Variants in HNF4G observed in about 807,000 individuals in gnomAD.
HNF4G encodes hepatocyte nuclear factor 4 gamma.
HNF4G carries 21 observed loss-of-function variants against 50.9 expected under a neutral mutation model. The observed-to-expected ratio is 0.41, with a 90% confidence interval of 0.29 to 0.59. HNF4G has a LOEUF of 0.59. Among genes scored for constraint, HNF4G ranks in the 20% least tolerant of loss-of-function variants. HNF4G has a pLI of 0.26. For missense variants in HNF4G, 527 were observed against 559.4 expected (o/e 0.94, Z 0.58); for synonymous variants, 198 against 185.6 (o/e 1.07, Z -0.54).
chr8:75,437,521 A>G (rs1025216697), intron 1 of HNF4G, among the ~76,000 whole-genome samples: 2 of 152,142 alleles, frequency 1.3e-5, no homozygotes, highest in African/African-American at 2.4e-5. Flanking sequence ...ATCTAGGACA[A>G]AGGAAGAATG....
chr8:75,472,545 C>A (rs1812138972), intron 1 of HNF4G, among the ~76,000 whole-genome samples: 1 of 152,162 alleles, frequency 6.6e-6, no homozygotes, highest in Non-Finnish European at 1.5e-5. Context: ...CGTTCTTTGC[C>A]TTACCCTATT....
rs933642485 is a variant in HNF4G, at chr8:75,525,761, G to C, written c.-23-18050G>C. ...ATATAAGATTATATTTTGAAATGGA[G>C]CAGTCTCTGTAAGAAAAAGTTGAAC... On this transcript the variant is annotated intron_variant, in intron 2 of 10. Transcript: ENST00000354370. Among the ~76,000 whole-genome samples, 31 of 152,296 alleles carry C rather than the reference G, an allele frequency of 2.0e-4. 1 individual carries two copies. The highest frequency in any genetic ancestry group is 3.8e-4 in the Non-Finnish European group (26 of 68,028).
At chr8:75,443,468 A>C (rs1386769341) in intron 1 of HNF4G, among the ~76,000 whole-genome samples, 2 of 152,200 alleles carry the variant, frequency 1.3e-5, no homozygotes, top group Non-Finnish European at 2.9e-5. Context: ...GGTAGTCAAA[A>C]ATTATTTATT....
intron 1 of HNF4G, among the ~76,000 whole-genome samples, chr8:75,480,332 A>C (rs1812347279): frequency 1.3e-5 from 2 of 152,226 alleles, no homozygotes; most frequent in Non-Finnish European, 2.9e-5. Flanking sequence ...GAGTGCCCAA[A>C]GTGTCAAAGC....
intron 1 of HNF4G, among the ~76,000 whole-genome samples, chr8:75,412,451 G>T (rs1366824423): frequency 1.3e-5 from 2 of 152,118 alleles, no homozygotes; most frequent in Non-Finnish European, 2.9e-5. Flanking sequence ...TTGAATGTTT[G>T]ACACTTCCTA....
At position 75,409,557 on chromosome 8, in the gene HNF4G, C is replaced by T. The variant is rs561369980; in HGVS notation, c.-144+1395C>T. The stretch of plus-strand genomic sequence containing the variant: ...AGGCTAGAGTATAGTGGCACAATCT[C>T]GGCTCACTGCAACCTCTACCTCCCC... On this transcript the variant is annotated intron_variant, in intron 1 of 10. Transcript: ENST00000354370. 1.9e-3 allele frequency among the ~76,000 whole-genome samples: 262 copies of T among 136,710 alleles called. 3 individuals carry two copies. Among genetic ancestry groups the T allele is most frequent in the Non-Finnish European group, 1.6e-3 (108 of 65,624 alleles). The allele number at this position is 136,710 out of a possible 152,430, so 89.7% of individuals were successfully genotyped here.
At chr8:75,457,695 T>G (rs1330092785) in intron 1 of HNF4G, among the ~76,000 whole-genome samples, 1 of 152,094 alleles carries the variant, frequency 6.6e-6, no homozygotes, top group Non-Finnish European at 1.5e-5. Context: ...CTGAAAGGCA[T>G]GTGGAATATC....
chr8:75,415,022 T>C (rs1810599642), intron 1 of HNF4G, among the ~76,000 whole-genome samples: 1 of 152,252 alleles, frequency 6.6e-6, no homozygotes, highest in Admixed American at 6.5e-5. Context: ...CTTTACAGCC[T>C]AACCAACACT....
intron 2 of HNF4G, among the ~76,000 whole-genome samples, chr8:75,530,112 G>A (rs2941454): frequency 0.66 from 100,098 of 151,966 alleles, 34,853 homozygotes; most frequent in African/African-American, 0.9. Context: ...TGTCCCACTC[G>A]TCTCAAGGAT....
intron 1 of HNF4G, among the ~76,000 whole-genome samples, chr8:75,454,087 C>T (rs1811658139): frequency 6.7e-6 from 1 of 149,836 alleles, no homozygotes; most frequent in African/African-American, 2.5e-5. Context: ...CCCTCCCTCC[C>T]TCCCTCTCTT....
At chr8:75,521,355 A>G (rs1806036759) in intron 2 of HNF4G, among the ~76,000 whole-genome samples, 1 of 152,230 alleles carries the variant, frequency 6.6e-6, no homozygotes, top group African/African-American at 2.4e-5. Flanking sequence ...GTGCGACACA[A>G]GCAAATTATT....
intron 2 of HNF4G, among the ~76,000 whole-genome samples, chr8:75,524,318 T>G (rs1385910338): frequency 1.3e-5 from 2 of 152,170 alleles, no homozygotes; most frequent in African/African-American, 2.4e-5. Context: ...GGGAGGCATA[T>G]AAATGGAAAC....
At chr8:75,421,974 G>A (rs1810785570) in intron 1 of HNF4G, among the ~76,000 whole-genome samples, 1 of 152,146 alleles carries the variant, frequency 6.6e-6, no homozygotes, top group African/African-American at 2.4e-5. Flanking sequence ...AGGGTAGATG[G>A]AGAAAGTTAC....
At chr8:75,503,844 G>T (rs1404671315) in intron 2 of HNF4G, among the ~76,000 whole-genome samples, 2 of 152,166 alleles carry the variant, frequency 1.3e-5, no homozygotes, top group African/African-American at 4.8e-5. Flanking sequence ...TGCTGTGGAT[G>T]GGAACCAGTT....
intron 1 of HNF4G, among the ~76,000 whole-genome samples, chr8:75,472,216 A>C (rs904291149): frequency 6.6e-6 from 1 of 152,220 alleles, no homozygotes; most frequent in Non-Finnish European, 1.5e-5. Flanking sequence ...AAGATAAAGA[A>C]CGTGATTGGA....
intron 2 of HNF4G, among the ~76,000 whole-genome samples, chr8:75,512,011 C>A (rs533667035): frequency 6.6e-6 from 1 of 152,042 alleles, no homozygotes; most frequent in African/African-American, 2.4e-5. Flanking sequence ...TTGGCCAGTG[C>A]AGAGGAATAC....
chr8:75,489,176 C>T (rs890567013), intron 1 of HNF4G, among the ~76,000 whole-genome samples: 1 of 152,172 alleles, frequency 6.6e-6, no homozygotes, highest in Admixed American at 6.5e-5. Context: ...GCCTTTCTTC[C>T]ACCTTCCAAA....
intron 1 of HNF4G, among the ~76,000 whole-genome samples, chr8:75,473,344 A>G (rs556894617): frequency 6.6e-6 from 1 of 152,316 alleles, no homozygotes; most frequent in East Asian, 1.9e-4. Context: ...TTAGATTTAT[A>G]TGTGATACAT....
At chr8:75,552,518 T>C (rs955370685) in intron 4 of HNF4G, among the ~76,000 whole-genome samples, 2 of 152,002 alleles carry the variant, frequency 1.3e-5, no homozygotes, top group African/African-American at 4.8e-5. Flanking sequence ...GAGTCACACA[T>C]TGGTTTTTTA....
Sources: allele counts gnomAD v4.1 joint callset (sites outside exome capture counted in the v4.1 genomes callset), GRCh38; gene constraint gnomAD v4.1.1; transcripts MANE v1.5; gene names NCBI Gene and HGNC (gene_info 2026-07-23, HGNC 2026-07-21).